The following D2HGDH variants were observed in gnomAD, a reference collection of about 807,000 sequenced individuals.
D2HGDH encodes the protein D-2-hydroxyglutarate dehydrogenase, also known as D-2-hydroxyglutarate dehydrogenase, mitochondrial.
Under a neutral mutation model 46.9 loss-of-function variants are expected in D2HGDH, and 31 were observed. That is an observed-to-expected ratio of 0.66 (90% confidence interval 0.50 to 0.89). The LOEUF is 0.89. Among genes scored for constraint, D2HGDH ranks in the 40% least tolerant of loss-of-function variants. The probability of loss-of-function intolerance (pLI) is 0.00; values close to 1 mark genes in which losing one functional copy is unlikely to be tolerated. For missense variants in D2HGDH, 698 were observed against 720.8 expected, an observed-to-expected ratio of 0.97 and a Z score of 0.36; for synonymous variants, 364 against 332.6, an observed-to-expected ratio of 1.09 and a Z score of -1.03.
At chr2:241,736,880 C>T (rs577659703) in intron 2 of D2HGDH, among the ~76,000 whole-genome samples, 23 of 151,538 alleles carry the variant, frequency 1.5e-4, no homozygotes, top group Admixed American at 2.6e-4. Flanking sequence ...ACGCTGGTCT[C>T]GAACTCCTGA....
chr2:241,752,740 G>T (rs574057401), intron 8 of D2HGDH, among the ~76,000 whole-genome samples: 1 of 151,972 alleles, frequency 6.6e-6, no homozygotes, highest in Non-Finnish European at 1.5e-5. Context: ...TGCTTTGCTG[G>T]AGTGGCAGTC....
chr2:241,753,729 C>T (rs576374647), intron 8 of D2HGDH, among the ~76,000 whole-genome samples: 1 of 152,264 alleles, frequency 6.6e-6, no homozygotes, highest in Non-Finnish European at 1.5e-5. Context: ...CGGCGGGTCT[C>T]ATTGGCACTG....
chr2:241,742,579 G>A lies in D2HGDH; in HGVS notation c.490+5G>A, dbSNP rs368214016. 4 of 1,613,962 alleles carry A rather than the reference G, an allele frequency of 2.5e-6. No individual in the cohort carries two copies. Among genetic ancestry groups the A allele is most frequent in the Non-Finnish European group, 2.5e-6 (3 of 1,180,018 alleles). ...TCAGCTTCCACAGCGTGTCTGGTAA[G>A]CCTGTGCCACCCGTCGGGGCCCAGG... On this transcript the variant is annotated splice_donor_5th_base_variant and intron_variant, in intron 4 of 9. Coordinates refer to ENST00000321264, the MANE Select transcript of D2HGDH (RefSeq NM_152783.5). This position sits in a 1 kb window ranked among gnomAD's most constrained non-coding sequence, Gnocchi z 4.8.
chr2:241,744,970 G>A, intron 6 of D2HGDH, 93 bp downstream of exon 6: 1 of 1,482,502 alleles, frequency 6.7e-7, no homozygotes, highest in East Asian at 2.3e-5. Flanking sequence ...GGGGATGGAG[G>A]GACCCCCCGC....
chr2:241,742,431 C>T lies in D2HGDH; in HGVS notation c.351-4C>T. 2 of 1,609,010 alleles carry T rather than the reference C, an allele frequency of 1.2e-6. No individual in the cohort carries two copies. Among genetic ancestry groups the T allele is most frequent in the Non-Finnish European group, 8.5e-7 (1 of 1,177,688 alleles). On this transcript the variant is annotated splice_region_variant and splice_polypyrimidine_tract_variant and intron_variant, in intron 3 of 9. Coordinates refer to ENST00000321264, the MANE Select transcript of D2HGDH (RefSeq NM_152783.5). The surrounding 1 kb of genome is among the most constrained non-coding windows in gnomAD (Gnocchi z 4.8). ...CCCCAACGTCCCTCCTGTCCTCATC[C>T]CAGGCACTGCCACGAGAGGAACCTG...
chr2:241,747,104 A>T (rs1696054479), intron 6 of D2HGDH, among the ~76,000 whole-genome samples: 1 of 151,976 alleles, frequency 6.6e-6, no homozygotes, highest in Non-Finnish European at 1.5e-5. Flanking sequence ...TGCCTAGGTA[A>T]TTAAAAAAAA....
chr2:241,757,768 G>A (rs1365296388), intron 9 of D2HGDH, among the ~76,000 whole-genome samples: 1 of 152,060 alleles, frequency 6.6e-6, no homozygotes, highest in Non-Finnish European at 1.5e-5. Flanking sequence ...CACCAGCCCG[G>A]CCAACATGAT....
chr2:241,748,974 C>A, intron 6 of D2HGDH: 1 of 1,267,874 alleles, frequency 7.9e-7, no homozygotes, highest in Non-Finnish European at 1.0e-6. Flanking sequence ...CCTCTTCGTG[C>A]CACGCCCACG....
chr2:241,757,678 C>A (rs1256074316), intron 9 of D2HGDH, among the ~76,000 whole-genome samples: 1 of 152,164 alleles, frequency 6.6e-6, no homozygotes, highest in African/African-American at 2.4e-5. Context: ...CAAGAATGGG[C>A]CAGGCGCAGT....
At chr2:241,754,913 C>G in intron 8 of D2HGDH, 1 of 970,436 alleles carries the variant, frequency 1.0e-6, no homozygotes, top group Non-Finnish European at 1.3e-6. Context: ...AAGTGTTTCT[C>G]TTAGAATTTC....
At chr2:241,756,713 G>T (rs532702532) in intron 9 of D2HGDH, among the ~76,000 whole-genome samples, 3 of 152,164 alleles carry the variant, frequency 2.0e-5, no homozygotes, top group Non-Finnish European at 2.9e-5. Flanking sequence ...GTAGAGACAG[G>T]GTTTTGCCAT....
chr2:241,739,263 G>A (rs902359814), intron 2 of D2HGDH, among the ~76,000 whole-genome samples: 29 of 152,220 alleles, frequency 1.9e-4, no homozygotes, highest in African/African-American at 6.5e-4. Flanking sequence ...CATTCTTGGG[G>A]GGTACTCATG....
chr2:241,740,666 G>T (rs1311954012), intron 2 of D2HGDH, among the ~76,000 whole-genome samples: 1 of 152,210 alleles, frequency 6.6e-6, no homozygotes, highest in Non-Finnish European at 1.5e-5. Context: ...CTCTCTGGGG[G>T]CTGGGCATGG....
chr2:241,736,432 C>CCCTCCGCTG (rs200144616), intron 2 of D2HGDH, among the ~76,000 whole-genome samples: 42,558 of 151,766 alleles, frequency 0.28, 6,233 homozygotes, highest in Non-Finnish European at 0.33. Flanking sequence ...GGGCTGCGCT[C>CCCTCCGCTG]CCTCCAAAGC....
At chr2:241,764,993 C>G (rs1699155927) in intron 9 of D2HGDH, among the ~76,000 whole-genome samples, 1 of 152,212 alleles carries the variant, frequency 6.6e-6, no homozygotes, top group Non-Finnish European at 1.5e-5. Flanking sequence ...AGCTGCTGCC[C>G]TGGGGGCTCA....
At position 241,757,460 on chromosome 2, in the gene D2HGDH, A is replaced by G. The variant is rs62192026; in HGVS notation, c.1306+1446A>G. Among the ~76,000 whole-genome samples, 597 of 120,652 alleles carry G rather than the reference A, an allele frequency of 4.9e-3. 8 individuals carry two copies. Among genetic ancestry groups the G allele is most frequent in the Middle Eastern group, 0.019 (4 of 216 alleles). 79.2% of individuals were successfully genotyped at this position (120,652 alleles called of 152,430 possible). A position where few individuals can be genotyped will look rare whatever the true frequency, so the allele number is the denominator to read the frequency against. ...AGAGAAGAGGGGTACGGGAGCCCCAATATTTCAGAATATGGGAAGGGGTTA... is the reference window on the plus strand; with the variant it reads ...AGAGAAGAGGGGTACGGGAGCCCCAGTATTTCAGAATATGGGAAGGGGTTA... On this transcript the variant is annotated intron_variant, in intron 9 of 9. Transcript: ENST00000321264.
intron 7 of D2HGDH, 127 bp from the exon 8 acceptor site, chr2:241,751,119 C>G: frequency 7.6e-7 from 1 of 1,309,760 alleles, no homozygotes; most frequent in Non-Finnish European, 1.1e-6. Flanking sequence ...GCTCCGCAGG[C>G]TGCCTGGGTC....
Position 241,750,190 on chromosome 2 carries a change from C to T in D2HGDH, c.893C>T (p.Thr298Ile), listed in dbSNP as rs141475702. 8.7e-5 allele frequency: 140 copies of T among 1,614,100 alleles called. 1 individual carries two copies. The East Asian group carries it at 1.3e-3, about 15-fold the overall frequency. ...GFAEVLQTFSTCKGMLGEILS... is the reference protein window; with the variant it reads ...GFAEVLQTFSICKGMLGEILS... ...GCTGAGGTTCTGCAGACCTTCAGCACCTGCAAGGGGATGCTGGGTGAGATC... is the reference window on the plus strand; with the variant it reads ...GCTGAGGTTCTGCAGACCTTCAGCATCTGCAAGGGGATGCTGGGTGAGATC... Residue 298 changes from threonine (T) to isoleucine (I), a missense_variant, in exon 7 of 10, where the codon ACC (threonine) becomes ATC (isoleucine). Thr to Ile is a moderately conservative substitution (Grantham distance 89). Transcript: ENST00000321264.
chr2:241,755,659 C>T (rs751700644), intron 8 of D2HGDH, 190 bp from the exon 9 acceptor site: 1 of 1,542,504 alleles, frequency 6.5e-7, no homozygotes, highest in Non-Finnish European at 8.7e-7. Flanking sequence ...GTCAGAGCCC[C>T]TCCTGGTCTG....
Sources: gnomAD v4.1 joint callset for allele counts (sites outside exome capture counted in the v4.1 genomes callset) on GRCh38, gnomAD v4.1.1 for gene constraint, Gnocchi (gnomAD v3.1) non-coding constraint, MANE v1.5 for transcripts, NCBI Gene and HGNC (gene_info 2026-07-23, HGNC 2026-07-21) for gene names.